PNLIPRP3: variants seen among roughly 807,000 people sequenced by gnomAD.
The protein encoded by PNLIPRP3 is pancreatic lipase related protein 3, also known as pancreatic lipase-related protein 3.
In PNLIPRP3, 58 loss-of-function variants were observed where a neutral mutation model predicts 52.8. The ratio of observed to expected loss-of-function variants is 1.10; its 90% CI spans 0.89 to 1.37. PNLIPRP3 has a LOEUF of 1.37. Ranked by LOEUF, PNLIPRP3 falls within the 40% of genes most tolerant of loss-of-function variation. The pLI is 0.00. For missense variants in PNLIPRP3, 593 were observed against 561.6 expected (o/e 1.06, Z -0.57); for synonymous variants, 192 against 185.0 (o/e 1.04, Z -0.31).
intron 4 of PNLIPRP3, among the ~76,000 whole-genome samples, chr10:116,448,212 A>G (rs935965505): frequency 6.6e-6 from 1 of 152,202 alleles, no homozygotes; most frequent in African/African-American, 2.4e-5. Context: ...AAGAATAACT[A>G]TAACTAAAAA....
intron 1 of PNLIPRP3, among the ~76,000 whole-genome samples, chr10:116,429,382 T>C (rs1242549800): frequency 6.6e-6 from 1 of 152,214 alleles, no homozygotes; most frequent in African/African-American, 2.4e-5. Flanking sequence ...GGATACTCAA[T>C]CTGCAATTCA....
At chr10:116,451,261 A>G (rs1846032679) in intron 4 of PNLIPRP3, among the ~76,000 whole-genome samples, 1 of 152,002 alleles carries the variant, frequency 6.6e-6, no homozygotes, top group South Asian at 2.1e-4. Context: ...TACACTATAT[A>G]CACACACACA....
intron 2 of PNLIPRP3, chr10:116,439,614 T>C: frequency 1.3e-6 from 1 of 772,136 alleles, no homozygotes; most frequent in Non-Finnish European, 2.3e-6. Context: ...CTTTGCCACC[T>C]TAGTGATGTA....
rs746307691 is a variant in PNLIPRP3 at position 116,476,670 on chromosome 10, C to CACAAA, written c.1192_1193insCAAAA (p.Met398ThrfsTer3). The CACAAA allele has an allele frequency of 1.3e-6, 2 of 1,578,196 alleles. No individual in the cohort carries two copies. Among genetic ancestry groups the CACAAA allele is most frequent in the South Asian group, 2.4e-5 (2 of 84,312 alleles). ...TTTACAGTGGAAAACTTGAGCCAGG[C>CACAAA]ATGACTTACACAAAATTAATCGATG... is the stretch of plus-strand genomic sequence containing the variant. On this transcript the variant is annotated frameshift_variant, in exon 11 of 12. Transcript: ENST00000369230. LOFTEE classifies it high-confidence loss of function.
intron 2 of PNLIPRP3, chr10:116,439,887 G>T (rs771112904): frequency 1.0e-5 from 8 of 794,346 alleles, no homozygotes; most frequent in Admixed American, 1.7e-5. Context: ...TCTCTTTCCC[G>T]GACATTATCT....
intron 10 of PNLIPRP3, among the ~76,000 whole-genome samples, chr10:116,472,523 T>G (rs1846389438): frequency 6.6e-6 from 1 of 152,240 alleles, no homozygotes. Flanking sequence ...AACAGATGAA[T>G]GTATTAGGTG....
At chr10:116,474,762 A>G (rs568791217) in intron 10 of PNLIPRP3, among the ~76,000 whole-genome samples, 1 of 152,322 alleles carries the variant, frequency 6.6e-6, no homozygotes, top group African/African-American at 2.4e-5. Flanking sequence ...ACCATCTCAC[A>G]CCAGTCAGAA....
chr10:116,459,129 T>A (rs1846155298), intron 5 of PNLIPRP3, among the ~76,000 whole-genome samples: 1 of 152,138 alleles, frequency 6.6e-6, no homozygotes, highest in Admixed American at 6.5e-5. Flanking sequence ...TCTTTGTTTT[T>A]TTGACTCCCT....
intron 7 of PNLIPRP3, among the ~76,000 whole-genome samples, chr10:116,462,537 A>G (rs1846207480): frequency 6.6e-6 from 1 of 152,094 alleles, no homozygotes; most frequent in African/African-American, 2.4e-5. Flanking sequence ...TTGCTCTGAA[A>G]GAGAAAATGT....
intron 4 of PNLIPRP3, among the ~76,000 whole-genome samples, chr10:116,454,804 A>G (rs1188455113): frequency 6.6e-6 from 1 of 152,194 alleles, no homozygotes; most frequent in African/African-American, 2.4e-5. Context: ...ACACAGGTTG[A>G]TTCCATATTT....
In PNLIPRP3 at chr10:116,446,452, A is replaced by G. The variant is rs997533229; in HGVS notation, c.456+1939A>G. Among the ~76,000 whole-genome samples, 2 of 152,088 alleles carry G rather than the reference A, an allele frequency of 1.3e-5. 1 individual carries two copies. Among genetic ancestry groups the G allele is most frequent in the Non-Finnish European group, 2.9e-5 (2 of 68,026 alleles). ...AGTTATTCACATATGTAAATGAGAG[A>G]GAAAATATTCTTTGTTCTGTGACTT... On this transcript the variant is annotated intron_variant, in intron 4 of 11. Coordinates refer to ENST00000369230, the MANE Select transcript of PNLIPRP3 (RefSeq NM_001011709.3).
intron 3 of PNLIPRP3, among the ~76,000 whole-genome samples, chr10:116,444,010 C>A (rs1467917250): frequency 2.0e-5 from 3 of 151,672 alleles, no homozygotes. Context: ...TTCAGCATAG[C>A]TGGGGAGGCC....
At chr10:116,448,048 G>A in intron 4 of PNLIPRP3, among the ~76,000 whole-genome samples, 1 of 150,632 alleles carries the variant, frequency 6.6e-6, no homozygotes, top group Admixed American at 6.6e-5. Context: ...GAAAGAGAAA[G>A]AAAGAAAGAA....
At chr10:116,466,532 G>A (rs1029831360) in intron 8 of PNLIPRP3, among the ~76,000 whole-genome samples, 5 of 152,178 alleles carry the variant, frequency 3.3e-5, no homozygotes, top group Admixed American at 2.0e-4. Flanking sequence ...TAAGAAGGCT[G>A]AACCAATCAA....
chr10:116,443,761 G>T (rs113052424), intron 3 of PNLIPRP3, among the ~76,000 whole-genome samples: 1 of 81,804 alleles, frequency 1.2e-5, no homozygotes, highest in African/African-American at 3.8e-5. Flanking sequence ...GTGTGTGTGT[G>T]TGTATGTGTG....
chr10:116,471,998 G>GT lies in PNLIPRP3; in HGVS notation c.1172+120dup, dbSNP rs1846381542. Reference sequence around the variant, plus strand: ...TCCTACAATTCCACAGGCTACCATGGTATCTTTGATTTTTCTTTTTACTTC... The same window carrying GT: ...TCCTACAATTCCACAGGCTACCATGGTTATCTTTGATTTTTCTTTTTACTTC... On this transcript the variant is annotated intron_variant, in intron 10 of 11. Transcript: ENST00000369230. The GT allele has an allele frequency of 5.3e-6, 3 of 564,512 alleles. No homozygotes were observed. In the African/African-American group the frequency reaches 5.8e-5, roughly 11 times the overall value. 35.0% of individuals were successfully genotyped at this position (564,512 alleles called of 1,614,324 possible).
At chr10:116,444,140 C>T (rs1037489917) in intron 3 of PNLIPRP3, among the ~76,000 whole-genome samples, 5 of 151,934 alleles carry the variant, frequency 3.3e-5, no homozygotes, top group Admixed American at 6.6e-5. Flanking sequence ...AACTCACTAT[C>T]ACGAAAACGG....
chr10:116,438,345 A>G (rs775402038), intron 2 of PNLIPRP3, among the ~76,000 whole-genome samples: 5 of 152,178 alleles, frequency 3.3e-5, no homozygotes, highest in Non-Finnish European at 7.4e-5. Flanking sequence ...GATCATTTCC[A>G]GTCTTTACCT....
intron 4 of PNLIPRP3, among the ~76,000 whole-genome samples, chr10:116,453,516 A>G (rs1476503900): frequency 6.6e-6 from 1 of 152,138 alleles, no homozygotes; most frequent in Non-Finnish European, 1.5e-5. Context: ...TCCAAATCTC[A>G]TATTGAAATG....
Sources: allele counts gnomAD v4.1 joint callset (sites outside exome capture counted in the v4.1 genomes callset), GRCh38; gene constraint gnomAD v4.1.1; transcripts MANE v1.5; gene names NCBI Gene and HGNC (gene_info 2026-07-23, HGNC 2026-07-21).